XK: variants seen among roughly 807,000 people sequenced by gnomAD.
The protein encoded by XK is endoplasmic reticulum membrane adapter protein XK.
A neutral mutation model predicts 14.0 loss-of-function variants in XK; 2 were observed. That is an observed-to-expected ratio of 0.14 (90% CI 0.06 to 0.45). XK has a LOEUF of 0.45. XK is among the 20% of genes least tolerant of loss of function. XK has a pLI of 0.98. For missense variants in XK, 235 were observed against 341.5 expected (o/e 0.69, Z 2.46); for synonymous variants, 149 against 147.5 (o/e 1.01, Z -0.08).
chrX:37,691,040 A>C (rs1927191719), intron 1 of XK, among the ~76,000 whole-genome samples: 1 of 112,114 alleles, frequency 8.9e-6, no homozygotes, highest in African/African-American at 3.2e-5. Flanking sequence ...AACACCTATG[A>C]CTACATGTAA....
chrX:37,699,294 G>A (rs1389173844), intron 2 of XK, among the ~76,000 whole-genome samples: 3 of 112,141 alleles, frequency 2.7e-5, no homozygotes, highest in Non-Finnish European at 5.6e-5. Flanking sequence ...CTGTAGCCAT[G>A]GATCTCCATT....
intron 2 of XK, among the ~76,000 whole-genome samples, chrX:37,721,986 A>G (rs1927882720): frequency 1.8e-5 from 2 of 111,556 alleles, no homozygotes; most frequent in African/African-American, 6.5e-5. Context: ...ATGAAAGTCC[A>G]GAATAGGGAA....
chrX:37,703,578 G>C (rs917298535), intron 2 of XK, among the ~76,000 whole-genome samples: 4 of 111,980 alleles, frequency 3.6e-5, no homozygotes, highest in African/African-American at 1.3e-4. Flanking sequence ...TATGGAAAAT[G>C]GGTAAATAGG....
intron 2 of XK, among the ~76,000 whole-genome samples, chrX:37,719,097 C>T (rs1426510874): frequency 9.0e-6 from 1 of 110,898 alleles, no homozygotes; most frequent in Non-Finnish European, 1.9e-5. Flanking sequence ...ATTTCTTTTC[C>T]CTTCATCTTT....
chrX:37,707,398 C>A (rs1399084114), intron 2 of XK, among the ~76,000 whole-genome samples: 1 of 109,292 alleles, frequency 9.1e-6, no homozygotes, highest in East Asian at 3.0e-4. Flanking sequence ...AGGGGCTCCT[C>A]ACTTCTCAGA....
chrX:37,729,288 T>C lies in XK; in HGVS notation c.*826T>C, dbSNP rs1556450647. ...CCCCATTCCTTGCCTGTCAGGACCA[T>C]TTTAGAAGAGTTACCTTGGTTAACT... On this transcript the variant is annotated 3_prime_UTR_variant, in exon 3 of 3. Coordinates refer to ENST00000378616, the MANE Select transcript of XK (RefSeq NM_021083.4). 1 of 111,622 alleles carries C rather than the reference T, an allele frequency of 9.0e-6. No homozygotes were observed. The highest frequency in any genetic ancestry group is 1.9e-5 in the Non-Finnish European group (1 of 53,077). 9.2% of individuals were successfully genotyped at this position (111,622 alleles called of 1,213,427 possible).
chrX:37,686,282 G>T, intron 1 of XK, 76 bp downstream of exon 1: 1 of 1,163,932 alleles, frequency 8.6e-7, no homozygotes, highest in South Asian at 1.9e-5. Flanking sequence ...CTGCTCGAGT[G>T]GAGGGAGGCG....
intron 2 of XK, among the ~76,000 whole-genome samples, chrX:37,709,443 C>A (rs1189670508): frequency 9.0e-6 from 1 of 111,665 alleles, no homozygotes; most frequent in African/African-American, 3.2e-5. Flanking sequence ...AAGTCTAGCT[C>A]ATTTGATCAA....
chrX:37,693,793 A>G (rs1927251783), intron 1 of XK, among the ~76,000 whole-genome samples: 1 of 111,432 alleles, frequency 9.0e-6, no homozygotes, highest in Admixed American at 9.5e-5. Flanking sequence ...CATCTTTTGG[A>G]TGTGGAACAC....
At chrX:37,705,404 C>A (rs1235215855) in intron 2 of XK, among the ~76,000 whole-genome samples, 20 of 108,363 alleles carry the variant, frequency 1.8e-4, no homozygotes, top group Admixed American at 2.9e-4. Flanking sequence ...GTGAGCCGAG[C>A]TCGCGCCACT....
chrX:37,689,394 A>G (rs1927162444), intron 1 of XK, among the ~76,000 whole-genome samples: 1 of 112,499 alleles, frequency 8.9e-6, no homozygotes, highest in South Asian at 3.7e-4. Context: ...TCCCTCAAAC[A>G]AAGGAGAGGC....
At chrX:37,718,008 A>G (rs984182629) in intron 2 of XK, among the ~76,000 whole-genome samples, 11 of 111,927 alleles carry the variant, frequency 9.8e-5, no homozygotes, top group Middle Eastern at 4.6e-3. Flanking sequence ...TAAAAATTGT[A>G]ATCTAATAAA....
intron 2 of XK, among the ~76,000 whole-genome samples, chrX:37,695,037 T>A (rs1927282614): frequency 8.9e-6 from 1 of 112,282 alleles, no homozygotes; most frequent in Admixed American, 9.4e-5. Context: ...GGGACATCAC[T>A]TCTGCTTCCT....
chrX:37,727,420 G>A (rs888120285), intron 2 of XK, among the ~76,000 whole-genome samples: 8 of 111,212 alleles, frequency 7.2e-5, no homozygotes, highest in African/African-American at 1.6e-4. Flanking sequence ...ATTAATTCTT[G>A]GCACTTCAGC....
chrX:37,724,056 A>C (rs1556449513), intron 2 of XK, among the ~76,000 whole-genome samples: 1 of 111,508 alleles, frequency 9.0e-6, no homozygotes, highest in Non-Finnish European at 1.9e-5. Context: ...ATCATTAATT[A>C]AACTCAGTGC....
intron 2 of XK, among the ~76,000 whole-genome samples, chrX:37,716,561 T>C (rs1927770056): frequency 1.8e-5 from 2 of 111,681 alleles, no homozygotes; most frequent in Non-Finnish European, 3.8e-5. Context: ...ATGGCCATGC[T>C]GAATTATTTA....
intron 2 of XK, among the ~76,000 whole-genome samples, chrX:37,713,993 A>G (rs1311342724): frequency 9.0e-6 from 1 of 111,651 alleles, no homozygotes; most frequent in Non-Finnish European, 1.9e-5. Flanking sequence ...AAGGATACCA[A>G]TTAAGTTGGA....
chrX:37,727,553 G>C, intron 2 of XK, 83 bp from the exon 3 acceptor site: 1 of 823,096 alleles, frequency 1.2e-6, no homozygotes, highest in African/African-American at 2.0e-5. Context: ...CAAGGAATGC[G>C]GGTGGGGTGC....
At chrX:37,698,529 G>A (rs1927346000) in intron 2 of XK, among the ~76,000 whole-genome samples, 1 of 94,802 alleles carries the variant, frequency 1.1e-5, no homozygotes, top group Admixed American at 1.2e-4. Context: ...CTTGAGCCTG[G>A]GAGGACCTTG....
Sources: gnomAD v4.1 joint callset for allele counts (sites outside exome capture counted in the v4.1 genomes callset) on GRCh38, gnomAD v4.1.1 for gene constraint, MANE v1.5 for transcripts, NCBI Gene and HGNC (gene_info 2026-07-23, HGNC 2026-07-21) for gene names.